Variants in B4GALT6 observed in about 807,000 individuals in gnomAD.
B4GALT6 encodes beta-1,4-galactosyltransferase 6, also known as UDP-Gal:beta-GlcNAc beta-1,4-galactosyltransferase 6.
In B4GALT6, 14 loss-of-function variants were observed where a neutral mutation model predicts 46.3. That is an observed-to-expected ratio of 0.30 (90% CI 0.20 to 0.47). The LOEUF (loss-of-function observed/expected upper bound fraction) is 0.47, where lower values mean the gene tolerates loss of function less well. B4GALT6 is among the 20% of genes least tolerant of loss of function. The probability of loss-of-function intolerance (pLI) is 0.99; values close to 1 mark genes in which losing one functional copy is unlikely to be tolerated. For missense variants in B4GALT6, 386 were observed against 480.1 expected, an observed-to-expected ratio of 0.80 and a Z score of 1.83; for synonymous variants, 168 against 162.0, an observed-to-expected ratio of 1.04 and a Z score of -0.28.
chr18:31,722,606 C>G, the B4GALT6 span, among the ~76,000 whole-genome samples: 1 of 152,006 alleles, frequency 6.6e-6, no homozygotes, highest in Non-Finnish European at 1.5e-5. Context: ...CTGTGACTCC[C>G]TCATCAGCAG....
chr18:31,680,718 C>A (rs558821106), intron 1 of B4GALT6, among the ~76,000 whole-genome samples: 42 of 152,338 alleles, frequency 2.8e-4, no homozygotes, highest in South Asian at 1.0e-3. Flanking sequence ...TTTGTAATCA[C>A]AGAAGCTTTG....
At chr18:31,653,194 A>G (rs994948040) in intron 3 of B4GALT6, among the ~76,000 whole-genome samples, 9 of 151,816 alleles carry the variant, frequency 5.9e-5, no homozygotes, top group African/African-American at 2.2e-4. Flanking sequence ...CAGATTCCTC[A>G]GTCCTTTACA....
intron 4 of B4GALT6, among the ~76,000 whole-genome samples, chr18:31,644,749 C>T (rs2073971549): frequency 6.6e-6 from 1 of 152,190 alleles, no homozygotes; most frequent in South Asian, 2.1e-4. Flanking sequence ...AAACAAAACA[C>T]TGAATAGAAT....
Position 31,684,478 on chromosome 18 carries a change from G to T in B4GALT6, c.-52C>A. 6.3e-7 allele frequency: 1 copy of T among 1,593,782 alleles called. No homozygotes were observed. The highest frequency in any genetic ancestry group is 8.5e-7 in the Non-Finnish European group (1 of 1,170,268). On this transcript the variant is annotated 5_prime_UTR_variant, in exon 1 of 9. Transcript: ENST00000306851. ...GCTGCGCTCTCAGGCCGGACTCGGG[G>T]CCACTGTCCAGGCCCTAAACTTCCA...
At chr18:31,645,002 A>T (rs890115582) in intron 4 of B4GALT6, among the ~76,000 whole-genome samples, 3 of 152,208 alleles carry the variant, frequency 2.0e-5, no homozygotes, top group Non-Finnish European at 2.9e-5. Context: ...AGGTGTCAGT[A>T]ATCATTAGGG....
chr18:31,718,189 G>T, the B4GALT6 span, among the ~76,000 whole-genome samples: 1 of 152,188 alleles, frequency 6.6e-6, no homozygotes, highest in Admixed American at 6.5e-5. Context: ...CTCAACAGAG[G>T]TGATTTGTCC....
chr18:31,668,076 G>A (rs1408639807), intron 1 of B4GALT6, among the ~76,000 whole-genome samples: 5 of 149,304 alleles, frequency 3.3e-5, no homozygotes, highest in East Asian at 2.0e-4. Flanking sequence ...CAGCCTGGGC[G>A]AGGGAGCAAG....
In B4GALT6 at chr18:31,684,473, T is replaced by C; in HGVS notation, c.-47A>G. 6.3e-7 allele frequency: 1 copy of C among 1,597,570 alleles called. No homozygotes were observed. The highest frequency in any genetic ancestry group is 8.5e-7 in the Non-Finnish European group (1 of 1,172,000). Reference sequence around the variant, plus strand: ...CCCAGGCTGCGCTCTCAGGCCGGACTCGGGGCCACTGTCCAGGCCCTAAAC... The same window carrying C: ...CCCAGGCTGCGCTCTCAGGCCGGACCCGGGGCCACTGTCCAGGCCCTAAAC... On this transcript the variant is annotated 5_prime_UTR_variant, in exon 1 of 9. Coordinates refer to ENST00000306851, the MANE Select transcript of B4GALT6 (RefSeq NM_004775.5).
At chr18:31,643,685 G>A (rs1284033388) in intron 4 of B4GALT6, among the ~76,000 whole-genome samples, 2 of 152,084 alleles carry the variant, frequency 1.3e-5, no homozygotes, top group African/African-American at 4.8e-5. Flanking sequence ...TCTTTAAGTA[G>A]GAAATACTCA....
upstream of B4GALT6, among the ~76,000 whole-genome samples, chr18:31,685,218 G>A (rs530807743): frequency 0.027 from 4,002 of 150,562 alleles, 185 homozygotes; most frequent in African/African-American, 0.091. Flanking sequence ...AAGGGCGGCA[G>A]CGGCATTACC....
upstream of B4GALT6, chr18:31,684,719 G>A (rs1298402427): frequency 8.8e-7 from 1 of 1,138,536 alleles, no homozygotes; most frequent in East Asian, 5.1e-5. Flanking sequence ...ACGGAAGAAA[G>A]CCGGGGAAGG....
At chr18:31,637,240 C>T (rs2073870881) in intron 5 of B4GALT6, among the ~76,000 whole-genome samples, 1 of 150,718 alleles carries the variant, frequency 6.6e-6, no homozygotes, top group South Asian at 2.1e-4. Context: ...GCTTTGATAG[C>T]ATCTGTTCAG....
At chr18:31,721,861 T>C in the B4GALT6 span, among the ~76,000 whole-genome samples, 1 of 139,276 alleles carries the variant, frequency 7.2e-6, no homozygotes, top group African/African-American at 3.3e-5. Context: ...TCTCTTTCTT[T>C]CTCTCTCTCT....
chr18:31,682,418 T>G (rs1270504678), intron 1 of B4GALT6, among the ~76,000 whole-genome samples: 2 of 152,198 alleles, frequency 1.3e-5, no homozygotes, highest in African/African-American at 4.8e-5. Context: ...TTATTATCAT[T>G]TATAAGACCT....
At chr18:31,627,616 T>A (rs1191584438) in intron 6 of B4GALT6, among the ~76,000 whole-genome samples, 1 of 152,178 alleles carries the variant, frequency 6.6e-6, no homozygotes, top group African/African-American at 2.4e-5. Flanking sequence ...TTTATAATGA[T>A]CTTATCTGTT....
intron 3 of B4GALT6, among the ~76,000 whole-genome samples, chr18:31,655,797 A>G (rs2074131079): frequency 6.6e-6 from 1 of 152,238 alleles, no homozygotes; most frequent in Admixed American, 6.5e-5. Context: ...ATTTTTAGGA[A>G]AACAAGGCTG....
Position 31,684,297 on chromosome 18 carries a change from T to C in B4GALT6, c.115+15A>G, listed in dbSNP as rs917593388. On this transcript the variant is annotated intron_variant, in intron 1 of 8. Transcript: ENST00000306851. ...GGTGTGACCAGGGGAAGCGAGGGTG[T>C]GTCTCGGTGCTTACCGATGCCTGGG... is the stretch of plus-strand genomic sequence containing the variant. 3.1e-5 allele frequency: 50 copies of C among 1,612,944 alleles called. No homozygotes were observed. In the Admixed American group the frequency reaches 7.8e-4, roughly 25 times the overall value.
chr18:31,704,471 T>A, the B4GALT6 span, among the ~76,000 whole-genome samples: 1 of 152,164 alleles, frequency 6.6e-6, no homozygotes, highest in Non-Finnish European at 1.5e-5. Context: ...CCCAAAGTGC[T>A]GGGATTACAG....
the B4GALT6 span, among the ~76,000 whole-genome samples, chr18:31,723,065 C>T: frequency 6.6e-6 from 1 of 152,146 alleles, no homozygotes; most frequent in South Asian, 2.1e-4. Context: ...AATATGAAAA[C>T]TACATTTTTG....
Sources: gnomAD v4.1 joint callset for allele counts (sites outside exome capture counted in the v4.1 genomes callset) on GRCh38, gnomAD v4.1.1 for gene constraint, MANE v1.5 for transcripts, NCBI Gene and HGNC (gene_info 2026-07-23, HGNC 2026-07-21) for gene names.